HEMK2: variants seen among roughly 807,000 people sequenced by gnomAD.
The protein encoded by HEMK2 is HemK methyltransferase 2, ETF1 glutamine and histone H4 lysine, also known as methyltransferase HEMK2.
chr21:28,879,108 AGGGTCTTGCTCT>A, the HEMK2 span, among the ~76,000 whole-genome samples: 1 of 111,266 alleles, frequency 9.0e-6, no homozygotes, highest in African/African-American at 3.5e-5. Flanking sequence ...TTTTAGAGAC[AGGGTCTTGCTCT>A]GTCACCTAGA....
chr21:28,786,416 A>C, the HEMK2 span, among the ~76,000 whole-genome samples: 1 of 152,228 alleles, frequency 6.6e-6, no homozygotes, highest in East Asian at 1.9e-4. Flanking sequence ...CATGCCTGTA[A>C]TCCCAGCACT....
At chr21:28,644,419 CAA>C in the HEMK2 span, among the ~76,000 whole-genome samples, 1 of 152,088 alleles carries the variant, frequency 6.6e-6, no homozygotes, top group Non-Finnish European at 1.5e-5. Flanking sequence ...GGGGACACAG[CAA>C]AACCATATCA....
the HEMK2 span, among the ~76,000 whole-genome samples, chr21:28,643,510 T>C: frequency 6.6e-6 from 1 of 152,120 alleles, no homozygotes; most frequent in South Asian, 2.1e-4. Flanking sequence ...AGACCCCTTC[T>C]CTAGAGAAAA....
the HEMK2 span, among the ~76,000 whole-genome samples, chr21:28,713,294 C>A: frequency 1.3e-5 from 2 of 152,120 alleles, no homozygotes; most frequent in Non-Finnish European, 2.9e-5. Context: ...GGGAGGACAG[C>A]GAGAGCAAAC....
the HEMK2 span, among the ~76,000 whole-genome samples, chr21:28,794,722 G>T: frequency 6.6e-6 from 1 of 152,350 alleles, no homozygotes; most frequent in Non-Finnish European, 1.5e-5. Flanking sequence ...TGACTACAGA[G>T]TTGACAAATA....
the HEMK2 span, among the ~76,000 whole-genome samples, chr21:28,835,426 A>G: frequency 6.6e-6 from 1 of 152,198 alleles, no homozygotes; most frequent in Non-Finnish European, 1.5e-5. Flanking sequence ...AGGAAGTCAC[A>G]TCCATAGGAA....
chr21:28,859,010 G>C, the HEMK2 span, among the ~76,000 whole-genome samples: 32 of 152,260 alleles, frequency 2.1e-4, no homozygotes, highest in Admixed American at 1.8e-3. Flanking sequence ...TTCACTATCA[G>C]CCAGCTTTCA....
the HEMK2 span, among the ~76,000 whole-genome samples, chr21:28,613,097 A>T: frequency 4.8e-4 from 73 of 150,902 alleles, no homozygotes; most frequent in African/African-American, 1.6e-3. Context: ...GATAGATAGA[A>T]AGATAGATAG....
chr21:28,788,202 A>G, the HEMK2 span, among the ~76,000 whole-genome samples: 289 of 134,168 alleles, frequency 2.2e-3, 4 homozygotes, highest in African/African-American at 8.7e-3. Flanking sequence ...GTATATACGT[A>G]TATATACGTA....
At chr21:28,733,832 C>T in the HEMK2 span, among the ~76,000 whole-genome samples, 2 of 107,138 alleles carry the variant, frequency 1.9e-5, no homozygotes, top group Non-Finnish European at 3.7e-5. Flanking sequence ...CACCCATTAA[C>T]TCGTCACTGT....
chr21:28,737,211 G>A, the HEMK2 span, among the ~76,000 whole-genome samples: 1 of 152,302 alleles, frequency 6.6e-6, no homozygotes, highest in East Asian at 1.9e-4. Context: ...TGAAGCCTCT[G>A]CTTCCAGAGT....
At chr21:28,627,966 C>T in the HEMK2 span, among the ~76,000 whole-genome samples, 3 of 152,068 alleles carry the variant, frequency 2.0e-5, no homozygotes, top group Non-Finnish European at 4.4e-5. Flanking sequence ...CAATGGGAAA[C>T]CTCTAGAGGG....
chr21:28,867,284 T>G, the HEMK2 span, among the ~76,000 whole-genome samples: 1 of 152,232 alleles, frequency 6.6e-6, no homozygotes, highest in Non-Finnish European at 1.5e-5. Flanking sequence ...TGGAATATAT[T>G]GGTGAAAATG....
At chr21:28,691,231 G>C in the HEMK2 span, among the ~76,000 whole-genome samples, 1 of 125,014 alleles carries the variant, frequency 8.0e-6, no homozygotes, top group African/African-American at 3.8e-5. Flanking sequence ...TGATTACCCA[G>C]TGAGACAGTT....
the HEMK2 span, among the ~76,000 whole-genome samples, chr21:28,585,685 A>G: frequency 6.6e-6 from 1 of 152,218 alleles, no homozygotes; most frequent in East Asian, 1.9e-4. Flanking sequence ...TATGGACAAT[A>G]TGAGAGAAAG....
the HEMK2 span, among the ~76,000 whole-genome samples, chr21:28,861,384 G>C: frequency 6.6e-6 from 1 of 152,170 alleles, no homozygotes; most frequent in Non-Finnish European, 1.5e-5. Flanking sequence ...GAAATTGATA[G>C]GAAGCCTACT....
the HEMK2 span, among the ~76,000 whole-genome samples, chr21:28,693,655 G>A: frequency 1.3e-4 from 20 of 152,152 alleles, no homozygotes; most frequent in Non-Finnish European, 2.6e-4. Context: ...ACATCATTTT[G>A]TATTCATAGA....
At chr21:28,646,182 G>A in the HEMK2 span, among the ~76,000 whole-genome samples, 9 of 152,302 alleles carry the variant, frequency 5.9e-5, no homozygotes, top group Non-Finnish European at 1.2e-4. Flanking sequence ...ATTATAATAT[G>A]AGCAGCATAT....
the HEMK2 span, among the ~76,000 whole-genome samples, chr21:28,692,512 T>C: frequency 6.6e-6 from 1 of 152,068 alleles, no homozygotes; most frequent in Non-Finnish European, 1.5e-5. Context: ...GATACCATTT[T>C]CTCTTTTAAA....
Sources: gnomAD v4.1 joint callset for allele counts (sites outside exome capture counted in the v4.1 genomes callset) on GRCh38, gnomAD v4.1.1 for gene constraint, MANE v1.5 for transcripts, NCBI Gene and HGNC (gene_info 2026-07-23, HGNC 2026-07-21) for gene names.